GALNT13: variants seen among roughly 807,000 people sequenced by gnomAD.
The protein encoded by GALNT13 is polypeptide N-acetylgalactosaminyltransferase 13.
A neutral mutation model predicts 64.2 loss-of-function variants in GALNT13; 28 were observed. The observed-to-expected ratio is 0.44, with a 90% confidence interval of 0.32 to 0.60. The LOEUF (loss-of-function observed/expected upper bound fraction) is 0.60. Ranked by LOEUF, GALNT13 falls within the 20% of genes least tolerant of loss-of-function variation. The pLI is 0.05. For synonymous variants in GALNT13, 214 were observed against 224.6 expected (o/e 0.95, Z 0.42); for missense variants, 577 against 669.8 (o/e 0.86, Z 1.53).
At chr2:154,410,558 G>GA (rs1340868722) in intron 11 of GALNT13, among the ~76,000 whole-genome samples, 1 of 151,722 alleles carries the variant, frequency 6.6e-6, no homozygotes, top group Non-Finnish European at 1.5e-5. Flanking sequence ...AGCCTTCCTA[G>GA]AGGCTCTACA....
chr2:153,090,934 C>T, the GALNT13 span, among the ~76,000 whole-genome samples: 5 of 151,626 alleles, frequency 3.3e-5, no homozygotes, highest in East Asian at 5.9e-4. Context: ...CCAGGTCCTA[C>T]GCAGTTGGTG....
chr2:154,175,350 A>T (rs1375872922), intron 4 of GALNT13, among the ~76,000 whole-genome samples: 2 of 152,204 alleles, frequency 1.3e-5, no homozygotes, highest in Admixed American at 1.3e-4. Flanking sequence ...CACATAGATC[A>T]CATAACAAGA....
chr2:153,195,579 A>G, the GALNT13 span, among the ~76,000 whole-genome samples: 3 of 152,180 alleles, frequency 2.0e-5, no homozygotes, highest in African/African-American at 7.2e-5. Context: ...AGACACCGGG[A>G]ACTGCAGGGC....
At chr2:153,575,133 A>G in the GALNT13 span, among the ~76,000 whole-genome samples, 1 of 152,158 alleles carries the variant, frequency 6.6e-6, no homozygotes, top group Non-Finnish European at 1.5e-5. Context: ...TACCATCTTG[A>G]TAGTCTTTGA....
At chr2:153,955,139 TTTGGGG>T in intron 3 of GALNT13, among the ~76,000 whole-genome samples, 1 of 152,170 alleles carries the variant, frequency 6.6e-6, no homozygotes, top group Non-Finnish European at 1.5e-5. Flanking sequence ...AGCAGTGAGT[TTTGGGG>T]TCAACCTAAC....
the GALNT13 span, among the ~76,000 whole-genome samples, chr2:153,783,783 TCTC>T: frequency 1.3e-5 from 2 of 152,196 alleles, no homozygotes; most frequent in African/African-American, 4.8e-5. Flanking sequence ...CTCTCATTCT[TCTC>T]CTTGCTGCCA....
At chr2:154,118,962 T>C (rs777505859) in intron 3 of GALNT13, among the ~76,000 whole-genome samples, 1 of 152,320 alleles carries the variant, frequency 6.6e-6, no homozygotes, top group Non-Finnish European at 1.5e-5. Flanking sequence ...ATACTAGGAA[T>C]AAAATTGCAT....
Position 153,874,088 on chromosome 2 carries a change from C to T in GALNT13, c.-177+1785C>T, listed in dbSNP as rs564643212. 4.1e-5 allele frequency among the ~76,000 whole-genome samples: 6 copies of T among 146,856 alleles called. No homozygotes were observed. In the South Asian group the frequency reaches 1.1e-3, roughly 27 times the overall value. On this transcript the variant is annotated intron_variant, in intron 1 of 12. Transcript: ENST00000392825. ...TAATCTTTCTTTCCCCCCGCACCCC[C>T]CTCCCGCAATCTCTGTTTTTTTTTT...
the GALNT13 span, among the ~76,000 whole-genome samples, chr2:153,223,933 G>A: frequency 1.3e-5 from 2 of 152,150 alleles, no homozygotes; most frequent in East Asian, 3.9e-4. Context: ...TCGTGCCACT[G>A]CACTGTAGCC....
the GALNT13 span, among the ~76,000 whole-genome samples, chr2:153,672,812 A>C: frequency 6.6e-6 from 1 of 151,450 alleles, no homozygotes; most frequent in Admixed American, 6.6e-5. Flanking sequence ...GACCGCTAGC[A>C]AGACTAATAA....
chr2:154,066,472 C>T (rs1276722051), intron 3 of GALNT13, among the ~76,000 whole-genome samples: 3 of 148,590 alleles, frequency 2.0e-5, no homozygotes, highest in Non-Finnish European at 4.5e-5. Context: ...AAAAAGGATC[C>T]TAAATGCAGC....
Position 154,235,441 on chromosome 2 carries a change from G to T in GALNT13, c.312-6589G>T, listed in dbSNP as rs185757341. Among the ~76,000 whole-genome samples the T allele has an allele frequency of 1.4e-4, 22 of 152,112 alleles. No homozygotes were observed. In the East Asian group the frequency reaches 4.3e-3, roughly 29 times the overall value. On this transcript the variant is annotated intron_variant, in intron 4 of 12. Coordinates refer to ENST00000392825, the MANE Select transcript of GALNT13 (RefSeq NM_052917.4). Reference sequence around the variant, plus strand: ...ATTATTATGAAACAATCACTTTTTGGTTGCCCAAGTTTTGTTTGCATGGAT... The same window carrying T: ...ATTATTATGAAACAATCACTTTTTGTTTGCCCAAGTTTTGTTTGCATGGAT...
the GALNT13 span, among the ~76,000 whole-genome samples, chr2:153,321,343 G>T: frequency 6.6e-6 from 1 of 152,124 alleles, no homozygotes; most frequent in Non-Finnish European, 1.5e-5. Context: ...GTCCTTGATA[G>T]GTGCTGTGGC....
the GALNT13 span, among the ~76,000 whole-genome samples, chr2:153,512,568 G>C: frequency 6.6e-6 from 1 of 152,094 alleles, no homozygotes; most frequent in African/African-American, 2.4e-5. Context: ...TAATGCCTGA[G>C]TGCCTTGTCT....
the GALNT13 span, among the ~76,000 whole-genome samples, chr2:153,435,937 C>G: frequency 1.3e-5 from 2 of 152,010 alleles, no homozygotes; most frequent in Non-Finnish European, 2.9e-5. Context: ...CAGTTTTTGC[C>G]CATTCAGTAT....
the GALNT13 span, among the ~76,000 whole-genome samples, chr2:153,755,888 A>G: frequency 6.6e-6 from 1 of 152,138 alleles, no homozygotes; most frequent in African/African-American, 2.4e-5. Context: ...AGTAATGGAC[A>G]TTTTCTGTAG....
At chr2:154,241,936 A>G in intron 4 of GALNT13, 94 bp from the exon 5 acceptor site, 1 of 675,466 alleles carries the variant, frequency 1.5e-6, no homozygotes, top group Non-Finnish European at 2.3e-6. Flanking sequence ...AGGGGCTTTC[A>G]AGTCTGAAGT....
chr2:154,216,247 A>G (rs1240168663), intron 4 of GALNT13, among the ~76,000 whole-genome samples: 1 of 152,124 alleles, frequency 6.6e-6, no homozygotes, highest in East Asian at 1.9e-4. Flanking sequence ...AGAGTGTATT[A>G]TCATGAACAT....
chr2:154,390,780 C>G (rs1377674026), intron 9 of GALNT13, among the ~76,000 whole-genome samples: 2 of 152,164 alleles, frequency 1.3e-5, no homozygotes, highest in African/African-American at 4.8e-5. Flanking sequence ...ATCTTTATTT[C>G]ATTGTCAAAG....
Sources: allele counts gnomAD v4.1 joint callset (sites outside exome capture counted in the v4.1 genomes callset), GRCh38; gene constraint gnomAD v4.1.1; transcripts MANE v1.5; gene names NCBI Gene and HGNC (gene_info 2026-07-23, HGNC 2026-07-21).